The following DNAH3 variants were observed in gnomAD, a reference collection of about 807,000 sequenced individuals.
DNAH3 encodes the protein dynein axonemal heavy chain 3.
A neutral mutation model predicts 432.5 loss-of-function variants in DNAH3; 332 were observed. The observed-to-expected ratio is 0.77, with a 90% confidence interval of 0.70 to 0.84. The LOEUF (loss-of-function observed/expected upper bound fraction) is 0.84. DNAH3 is among the 40% of genes least tolerant of loss of function. The probability of loss-of-function intolerance (pLI) is 0.00; values close to 1 mark genes in which losing one functional copy is unlikely to be tolerated. For synonymous variants in DNAH3, 1,956 were observed against 1,900.2 expected (o/e 1.03, Z -0.76); for missense variants, 4,861 against 5,114.0 (o/e 0.95, Z 1.51).
chr16:20,971,074 G>T (rs2085322091), intron 51 of DNAH3, among the ~76,000 whole-genome samples: 1 of 151,810 alleles, frequency 6.6e-6, no homozygotes, highest in African/African-American at 2.4e-5. Context: ...CACCATGTTG[G>T]CCAGGCTGGT....
chr16:20,954,927 A>G (rs1226932845), exon 55 of DNAH3: 5 of 1,614,054 alleles, frequency 3.1e-6, no homozygotes, highest in Non-Finnish European at 4.2e-6. Context: ...ACAGGATCTG[A>G]GATGGGGTCA....
chr16:21,000,108 T>C (rs926886999), intron 43 of DNAH3, 116 bp downstream of exon 43: 2 of 1,077,944 alleles, frequency 1.9e-6, no homozygotes, highest in East Asian at 2.5e-5. Context: ...CTGGAAATAT[T>C]TGATCTCCCA....
intron 18 of DNAH3, among the ~76,000 whole-genome samples, chr16:21,091,357 A>G (rs761908804): frequency 1.9e-4 from 29 of 150,954 alleles, no homozygotes; most frequent in Admixed American, 4.0e-4. Flanking sequence ...CTAAAAATAA[A>G]TAAGTAAAAA....
chr16:21,038,272 A>T (rs1231539492), intron 33 of DNAH3, among the ~76,000 whole-genome samples: 1 of 152,196 alleles, frequency 6.6e-6, no homozygotes, highest in East Asian at 1.9e-4. Flanking sequence ...AGGCTGAGGC[A>T]GGAGGATCGC....
At chr16:20,953,518 A>G (rs562643152) in intron 55 of DNAH3, among the ~76,000 whole-genome samples, 249 of 152,132 alleles carry the variant, frequency 1.6e-3, no homozygotes, top group South Asian at 5.4e-3. Flanking sequence ...CAAAATAATA[A>G]AATTCGTGTG....
chr16:20,985,958 C>T (rs536646759), intron 47 of DNAH3, among the ~76,000 whole-genome samples: 36 of 151,978 alleles, frequency 2.4e-4, no homozygotes, highest in Non-Finnish European at 4.4e-4. Flanking sequence ...TGGGTTCAAG[C>T]GATTCTCCCG....
exon 53 of DNAH3, chr16:20,964,276 T>C (rs2084951285): frequency 6.2e-7 from 1 of 1,614,204 alleles, no homozygotes; most frequent in Non-Finnish European, 8.5e-7. Flanking sequence ...AAGGAGTTGA[T>C]CTTGGAGACC....
intron 1 of DNAH3, among the ~76,000 whole-genome samples, chr16:21,157,532 G>T (rs2092907214): frequency 6.6e-6 from 1 of 152,024 alleles, no homozygotes; most frequent in South Asian, 2.1e-4. Flanking sequence ...GTTTCACCAT[G>T]TTGGCCAGGC....
At chr16:20,965,858 A>T (rs1406951417) in intron 52 of DNAH3, among the ~76,000 whole-genome samples, 2 of 151,524 alleles carry the variant, frequency 1.3e-5, no homozygotes, top group African/African-American at 4.8e-5. Context: ...GACTACAGGC[A>T]TGTGCCACCA....
chr16:20,988,455 C>T (rs2086328650), intron 44 of DNAH3, among the ~76,000 whole-genome samples: 1 of 152,098 alleles, frequency 6.6e-6, no homozygotes, highest in South Asian at 2.1e-4. Flanking sequence ...CCCTCTGTTG[C>T]CCAGGCTGGA....
Position 21,150,377 on chromosome 16 carries a change from C to A in DNAH3, c.118-4289G>T. On this transcript the variant is annotated intron_variant, in intron 1 of 61. Transcript: ENST00000261383. ...AATGAATAAAGAGCTTTCAGCTTCTCCAGGGATGTGCCTCTCCTATCCAGT... is the reference window on the plus strand; with the variant it reads ...AATGAATAAAGAGCTTTCAGCTTCTACAGGGATGTGCCTCTCCTATCCAGT... 4 of 442,592 alleles carry A rather than the reference C, an allele frequency of 9.0e-6. 1 individual carries two copies. The highest frequency in any genetic ancestry group is 6.5e-5 in the South Asian group (4 of 61,564). The allele number at this position is 442,592 out of a possible 1,614,324, so 27.4% of individuals were successfully genotyped here.
At chr16:20,943,064 C>A (rs1250111474) in intron 58 of DNAH3, among the ~76,000 whole-genome samples, 1 of 151,972 alleles carries the variant, frequency 6.6e-6, no homozygotes, top group Non-Finnish European at 1.5e-5. Flanking sequence ...GCTGGGACTA[C>A]AGGCACGCAC....
intron 48 of DNAH3, among the ~76,000 whole-genome samples, chr16:20,984,132 G>A (rs1340223699): frequency 2.0e-5 from 3 of 151,696 alleles, no homozygotes; most frequent in East Asian, 1.9e-4. Flanking sequence ...TTATGAGACC[G>A]CAGGTTAGTA....
At chr16:20,960,731 C>T (rs3103808) in intron 53 of DNAH3, among the ~76,000 whole-genome samples, 1 of 151,400 alleles carries the variant, frequency 6.6e-6, no homozygotes, top group Non-Finnish European at 1.5e-5. Context: ...AAACAAAAGG[C>T]GGCCAAGGCC....
chr16:21,068,934 AT>A lies in DNAH3; in HGVS notation c.3381+480del, dbSNP rs1341596546. Reference sequence around the variant, plus strand: ...TTTGTATTTGCTTTTTTTTTTTTTAATTTTTTTTGAGACGGAGTCTTGCTCT... The same window carrying A: ...TTTGTATTTGCTTTTTTTTTTTTTAATTTTTTTGAGACGGAGTCTTGCTCT... On this transcript the variant is annotated intron_variant, in intron 23 of 61. Coordinates refer to ENST00000261383, the Ensembl canonical transcript of DNAH3. 2.3e-3 allele frequency among the ~76,000 whole-genome samples: 340 copies of A among 147,708 alleles called. 1 individual carries two copies. The highest frequency in any genetic ancestry group is 7.8e-3 in the African/African-American group (312 of 40,174).
rs1425089202 is a variant in DNAH3, at chr16:21,107,265, CAG to C, written c.2100-593_2100-592del. Among the ~76,000 whole-genome samples, 12 of 100,072 alleles carry C rather than the reference CAG, an allele frequency of 1.2e-4. No individual in the cohort carries two copies. The Admixed American group carries it at 1.3e-3, about 11-fold the overall frequency. 65.7% of individuals were successfully genotyped at this position (100,072 alleles called of 152,430 possible). ...TTTTTTTTTTTTTTTTTTTTTGAGA[CAG>C]AGTCTTGCTCTGTCACCCAGGCTGG... On this transcript the variant is annotated intron_variant, in intron 14 of 61. Transcript: ENST00000261383.
At chr16:20,988,037 AATG>A in exon 45 of DNAH3, 3 of 1,614,162 alleles carry the variant, frequency 1.9e-6, no homozygotes, top group Non-Finnish European at 2.5e-6. Flanking sequence ...CATTGATGGA[AATG>A]ATATTCAGAT....
At chr16:21,050,041 T>C (rs767655995) in intron 29 of DNAH3, 23 bp from the exon 30 acceptor site, 1 of 1,549,474 alleles carries the variant, frequency 6.5e-7, no homozygotes, top group East Asian at 2.2e-5. Flanking sequence ...AAATAGAACT[T>C]CAGTGCTTGA....
exon 53 of DNAH3, chr16:20,963,806 T>C: frequency 1.9e-6 from 3 of 1,613,886 alleles, no homozygotes; most frequent in Non-Finnish European, 2.5e-6. Flanking sequence ...CGGCACACGT[T>C]GTTGTAGATG....
Sources: gnomAD v4.1 joint callset for allele counts (sites outside exome capture counted in the v4.1 genomes callset) on GRCh38, gnomAD v4.1.1 for gene constraint, MANE v1.5 for transcripts, NCBI Gene and HGNC (gene_info 2026-07-23, HGNC 2026-07-21) for gene names.